The following EDARADD variants were observed in gnomAD, a reference collection of about 807,000 sequenced individuals.
EDARADD encodes the protein EDAR associated via death domain.
EDARADD carries 20 observed loss-of-function variants against 25.6 expected under a neutral mutation model. The observed-to-expected ratio is 0.78, with a 90% CI of 0.55 to 1.14. The LOEUF (loss-of-function observed/expected upper bound fraction) is 1.14. EDARADD is among the 50% of genes most tolerant of loss of function. The probability of loss-of-function intolerance (pLI) is 0.00; values close to 1 mark genes in which losing one functional copy is unlikely to be tolerated. For missense variants in EDARADD, 225 were observed against 270.1 expected (o/e 0.83, Z 1.17); for synonymous variants, 86 against 94.4 (o/e 0.91, Z 0.52).
intron 3 of EDARADD, among the ~76,000 whole-genome samples, chr1:236,359,227 T>C (rs1468402584): frequency 1.3e-5 from 2 of 152,230 alleles, no homozygotes; most frequent in African/African-American, 4.8e-5. Context: ...CTGTCCTTTT[T>C]AACCACTGCT....
At chr1:236,415,662 C>T (rs1214525730) in intron 3 of EDARADD, among the ~76,000 whole-genome samples, 2 of 152,142 alleles carry the variant, frequency 1.3e-5, no homozygotes, top group Non-Finnish European at 2.9e-5. Context: ...TCAGGCTGGT[C>T]TTGAACTCCT....
intron 4 of EDARADD, among the ~76,000 whole-genome samples, chr1:236,449,725 G>A (rs1439549356): frequency 1.3e-5 from 2 of 152,176 alleles, no homozygotes; most frequent in African/African-American, 2.4e-5. Flanking sequence ...ATAGGTACTC[G>A]TTATTTGTTT....
chr1:236,401,789 C>T (rs538174038), intron 1 of EDARADD, among the ~76,000 whole-genome samples: 17 of 152,148 alleles, frequency 1.1e-4, no homozygotes, highest in East Asian at 3.8e-4. Flanking sequence ...TTCCTAGTAC[C>T]TCAGAATGTA....
chr1:236,441,710 A>C (rs1035991026), intron 4 of EDARADD, among the ~76,000 whole-genome samples: 2 of 151,596 alleles, frequency 1.3e-5, no homozygotes, highest in African/African-American at 4.8e-5. Flanking sequence ...TTGTATTTTT[A>C]GTAGAGACAG....
At chr1:236,459,723 C>T (rs991652325) in intron 4 of EDARADD, among the ~76,000 whole-genome samples, 3 of 150,684 alleles carry the variant, frequency 2.0e-5, no homozygotes, top group Non-Finnish European at 4.4e-5. Context: ...AGTGATTCTC[C>T]TGCCTCAGCC....
chr1:236,433,281 G>A (rs950804483), intron 4 of EDARADD, among the ~76,000 whole-genome samples: 10 of 148,870 alleles, frequency 6.7e-5, no homozygotes, highest in Non-Finnish European at 1.2e-4. Context: ...ATAACCCTGG[G>A]CGCGGTGGCT....
chr1:236,444,182 G>A (rs144627643), intron 4 of EDARADD, among the ~76,000 whole-genome samples: 7 of 151,888 alleles, frequency 4.6e-5, no homozygotes, highest in East Asian at 3.9e-4. Context: ...TAACTTTTTC[G>A]TGCACTGGGA....
intron 4 of EDARADD, among the ~76,000 whole-genome samples, chr1:236,456,606 G>A (rs1287963879): frequency 6.6e-6 from 1 of 151,982 alleles, no homozygotes; most frequent in Non-Finnish European, 1.5e-5. Context: ...TCCTGCGTGT[G>A]CCTCTGCCAC....
intron 3 of EDARADD, among the ~76,000 whole-genome samples, chr1:236,366,265 C>A (rs1367590161): frequency 6.6e-6 from 1 of 152,162 alleles, no homozygotes; most frequent in East Asian, 1.9e-4. Flanking sequence ...TGGATCTTCT[C>A]GTGTCTTGCT....
intron 4 of EDARADD, among the ~76,000 whole-genome samples, chr1:236,442,804 A>G (rs1448648373): frequency 2.0e-5 from 3 of 152,230 alleles, no homozygotes; most frequent in African/African-American, 4.8e-5. Flanking sequence ...GAGATGTACA[A>G]GGAAATTAAT....
At chr1:236,436,958 T>G (rs771584438) in intron 4 of EDARADD, among the ~76,000 whole-genome samples, 1 of 152,220 alleles carries the variant, frequency 6.6e-6, no homozygotes, top group Non-Finnish European at 1.5e-5. Context: ...TGGTGAAACA[T>G]CCATTCATCC....
intron 5 of EDARADD, among the ~76,000 whole-genome samples, chr1:236,473,208 G>C (rs1310891104): frequency 6.6e-6 from 1 of 152,180 alleles, no homozygotes; most frequent in Non-Finnish European, 1.5e-5. Context: ...TTATATGGTG[G>C]TAGGTGCCTT....
At chr1:236,479,795 C>A (rs1027711287) in intron 5 of EDARADD, among the ~76,000 whole-genome samples, 1 of 151,298 alleles carries the variant, frequency 6.6e-6, no homozygotes, top group African/African-American at 2.4e-5. Context: ...CCCACAATCT[C>A]GGTGCTTTGG....
At chr1:236,454,301 G>T (rs946116939) in intron 4 of EDARADD, among the ~76,000 whole-genome samples, 5 of 152,148 alleles carry the variant, frequency 3.3e-5, no homozygotes, top group African/African-American at 4.8e-5. Context: ...GCCCGCCTTG[G>T]CCTCCCAAAG....
intron 4 of EDARADD, among the ~76,000 whole-genome samples, chr1:236,447,200 C>CT (rs1401936366): frequency 1.8e-5 from 1 of 56,242 alleles, no homozygotes; most frequent in African/African-American, 6.9e-5. Context: ...TTCTTTCTTT[C>CT]TTTCTTTCTT....
intron 5 of EDARADD, among the ~76,000 whole-genome samples, chr1:236,479,938 T>G (rs1264770301): frequency 6.6e-6 from 1 of 150,862 alleles, no homozygotes; most frequent in Non-Finnish European, 1.5e-5. Context: ...CCCAGCTGCT[T>G]GGGAGGCTGA....
At chr1:236,381,073 C>T (rs980138328) in intron 3 of EDARADD, among the ~76,000 whole-genome samples, 15 of 152,182 alleles carry the variant, frequency 9.9e-5, no homozygotes, top group Admixed American at 5.2e-4. Flanking sequence ...CCATCCTTCC[C>T]GCCCCACCCT....
At position 236,363,000 on chromosome 1, in the gene EDARADD, AAAAAAAATATATAT is replaced by A. The variant is rs1361683043; in HGVS notation, c.-6+12163_-6+12176del. Among the ~76,000 whole-genome samples, 10 of 57,294 alleles carry A rather than the reference AAAAAAAATATATAT, an allele frequency of 1.7e-4. No individual in the cohort carries two copies. In the South Asian group the frequency reaches 4.5e-3, roughly 26 times the overall value. The allele number at this position is 57,294 out of a possible 152,430, so 37.6% of individuals were successfully genotyped here. Reference sequence around the variant, plus strand: ...TTCTTTTTTTAAGAAAAAAAAAAAAAAAAAAAATATATATATATATATATATATATATAAAATTT... The same window carrying A: ...TTCTTTTTTTAAGAAAAAAAAAAAAAATATATATATATATATATAAAATTT... On this transcript the variant is annotated intron_variant, in intron 3 of 7. Transcript: ENST00000439430.
chr1:236,445,438 G>A (rs1484274280), intron 4 of EDARADD, among the ~76,000 whole-genome samples: 1 of 152,090 alleles, frequency 6.6e-6, no homozygotes, highest in Non-Finnish European at 1.5e-5. Context: ...ATGTTGACCA[G>A]GCTGGTCTTG....
Sources: allele counts gnomAD v4.1 joint callset (sites outside exome capture counted in the v4.1 genomes callset), GRCh38; gene constraint gnomAD v4.1.1; transcripts MANE v1.5; gene names NCBI Gene and HGNC (gene_info 2026-07-23, HGNC 2026-07-21).